Variants in CSMD2 observed in about 807,000 individuals in gnomAD.
The protein encoded by CSMD2 is CUB and Sushi multiple domains 2, also known as CUB and sushi domain-containing protein 2.
CSMD2 carries 130 observed loss-of-function variants against 398.5 expected under a neutral mutation model. That is an observed-to-expected ratio of 0.33 (90% CI 0.28 to 0.38). CSMD2 has a LOEUF of 0.38. Ranked by LOEUF, CSMD2 falls within the 10% of genes least tolerant of loss-of-function variation. The pLI is 1.00. For missense variants in CSMD2, 3,829 were observed against 4,764.9 expected (o/e 0.80, Z 5.78); for synonymous variants, 1,828 against 1,908.5 (o/e 0.96, Z 1.10).
chr1:33,670,059 G>A (rs147839721), intron 25 of CSMD2, among the ~76,000 whole-genome samples: 26 of 152,310 alleles, frequency 1.7e-4, no homozygotes, highest in African/African-American at 5.3e-4. Context: ...TATTCAGTTT[G>A]TTACAGCAGC....
At chr1:33,760,021 T>G (rs1334864240) in intron 13 of CSMD2, among the ~76,000 whole-genome samples, 1 of 152,218 alleles carries the variant, frequency 6.6e-6, no homozygotes, top group Non-Finnish European at 1.5e-5. Flanking sequence ...GGTCTGATGA[T>G]TGCTAAGTTC....
intron 3 of CSMD2, among the ~76,000 whole-genome samples, chr1:33,974,170 C>A (rs1276046827): frequency 6.6e-6 from 1 of 152,198 alleles, no homozygotes; most frequent in African/African-American, 2.4e-5. Flanking sequence ...CATTTCTCTC[C>A]CTTGGCAAAC....
chr1:33,976,828 A>G (rs1378638320), intron 3 of CSMD2, among the ~76,000 whole-genome samples: 1 of 152,102 alleles, frequency 6.6e-6, no homozygotes, highest in African/African-American at 2.4e-5. Context: ...GAAGGAATCC[A>G]TATAGAGTTC....
intron 12 of CSMD2, among the ~76,000 whole-genome samples, chr1:33,784,886 G>A (rs2124823703): frequency 6.6e-6 from 1 of 152,258 alleles, no homozygotes; most frequent in African/African-American, 2.4e-5. Context: ...TACAAGTCGG[G>A]GAACTGAGGC....
intron 5 of CSMD2, among the ~76,000 whole-genome samples, chr1:33,876,270 G>A (rs1331301174): frequency 6.6e-6 from 1 of 152,232 alleles, no homozygotes; most frequent in African/African-American, 2.4e-5. Context: ...GCCTGACCAT[G>A]AGGGGAACTG....
intron 2 of CSMD2, among the ~76,000 whole-genome samples, chr1:34,085,689 A>C (rs1418114584): frequency 6.6e-6 from 1 of 152,158 alleles, no homozygotes; most frequent in Non-Finnish European, 1.5e-5. Context: ...TCTTTGTTTA[A>C]TTCTGGTATA....
At chr1:33,940,660 T>C (rs1248072607) in intron 3 of CSMD2, among the ~76,000 whole-genome samples, 2 of 152,128 alleles carry the variant, frequency 1.3e-5, no homozygotes, top group Non-Finnish European at 1.5e-5. Context: ...TCTGCCTCCA[T>C]TGTTCAGCAC....
chr1:34,099,060 T>C (rs950830472), intron 1 of CSMD2, among the ~76,000 whole-genome samples: 1 of 152,072 alleles, frequency 6.6e-6, no homozygotes, highest in African/African-American at 2.4e-5. Flanking sequence ...AAAGAAGACA[T>C]AAATGGCCCA....
At chr1:33,694,967 C>T (rs1226239397) in intron 24 of CSMD2, among the ~76,000 whole-genome samples, 1 of 152,144 alleles carries the variant, frequency 6.6e-6, no homozygotes, top group African/African-American at 2.4e-5. Context: ...AAGACAGCCA[C>T]ACTGTGTGCT....
intron 2 of CSMD2, among the ~76,000 whole-genome samples, chr1:34,041,141 G>T (rs943052469): frequency 2.0e-5 from 3 of 151,982 alleles, no homozygotes; most frequent in Non-Finnish European, 4.4e-5. Context: ...AAATAAATGG[G>T]CCATTTATTT....
chr1:33,858,130 T>C (rs530666608), intron 5 of CSMD2, among the ~76,000 whole-genome samples: 51 of 152,278 alleles, frequency 3.3e-4, no homozygotes, highest in African/African-American at 1.1e-3. Context: ...GCCTCTGCCC[T>C]TGGGAGTAGA....
intron 3 of CSMD2, among the ~76,000 whole-genome samples, chr1:34,009,735 G>A (rs757584456): frequency 4.6e-5 from 7 of 151,866 alleles, no homozygotes; most frequent in African/African-American, 7.3e-5. Context: ...TGACTTCTTG[G>A]ACATTCTGCA....
At chr1:34,132,966 C>CTTT (rs59095706) in intron 1 of CSMD2, among the ~76,000 whole-genome samples, 1 of 144,416 alleles carries the variant, frequency 6.9e-6, no homozygotes, top group African/African-American at 2.5e-5. Context: ...ACACACACAC[C>CTTT]TTTTTTTTTT....
chr1:33,689,721 C>A (rs780435255), intron 25 of CSMD2, among the ~76,000 whole-genome samples: 2 of 152,176 alleles, frequency 1.3e-5, no homozygotes, highest in Non-Finnish European at 2.9e-5. Flanking sequence ...ATGAACACAT[C>A]CTTCTCTTTA....
At chr1:33,531,133 A>G (rs1408517373) in intron 64 of CSMD2, among the ~76,000 whole-genome samples, 1 of 152,236 alleles carries the variant, frequency 6.6e-6, no homozygotes, top group Non-Finnish European at 1.5e-5. Flanking sequence ...CAAGTATATG[A>G]AGTTAATGGA....
chr1:34,000,113 A>C (rs1433978247), intron 3 of CSMD2, among the ~76,000 whole-genome samples: 1 of 152,106 alleles, frequency 6.6e-6, no homozygotes, highest in Non-Finnish European at 1.5e-5. Context: ...AGAAACGTGA[A>C]TCTAAACAAG....
At chr1:34,074,225 C>T (rs1656061844) in intron 2 of CSMD2, among the ~76,000 whole-genome samples, 1 of 152,248 alleles carries the variant, frequency 6.6e-6, no homozygotes, top group Non-Finnish European at 1.5e-5. Flanking sequence ...GCCTTACATG[C>T]TTGCTTAACT....
Position 34,138,390 on chromosome 1 carries a change from C to A in CSMD2, c.187+26521G>T, listed in dbSNP as rs1638960690. 2.0e-5 allele frequency among the ~76,000 whole-genome samples: 3 copies of A among 152,318 alleles called. No homozygotes were observed. The South Asian group carries it at 6.2e-4, about 32-fold the overall frequency. ...ATGTAGAAGTTCAAATCCTGCTACACCACTTGCTGTGTTACTGCAGCCAAC... is the reference window on the plus strand; with the variant it reads ...ATGTAGAAGTTCAAATCCTGCTACAACACTTGCTGTGTTACTGCAGCCAAC... On this transcript the variant is annotated intron_variant, in intron 1 of 70. Transcript: ENST00000373381.
intron 44 of CSMD2, among the ~76,000 whole-genome samples, chr1:33,587,399 C>A (rs1477027625): frequency 6.6e-6 from 1 of 152,142 alleles, no homozygotes; most frequent in Non-Finnish European, 1.5e-5. Context: ...GTCAGTGACA[C>A]CATCACCAGC....
Sources: gnomAD v4.1 joint callset for allele counts (sites outside exome capture counted in the v4.1 genomes callset) on GRCh38, gnomAD v4.1.1 for gene constraint, MANE v1.5 for transcripts, NCBI Gene and HGNC (gene_info 2026-07-23, HGNC 2026-07-21) for gene names.